CSMD3: variants seen among roughly 807,000 people sequenced by gnomAD.
The protein encoded by CSMD3 is CUB and Sushi multiple domains 3, also known as CUB and sushi domain-containing protein 3.
In CSMD3, 177 loss-of-function variants were observed where a neutral mutation model predicts 435.2. The observed-to-expected ratio is 0.41, with a 90% CI of 0.36 to 0.46. CSMD3 has a LOEUF of 0.46. Among genes scored for constraint, CSMD3 ranks in the 20% least tolerant of loss-of-function variants. The pLI, the probability that CSMD3 is intolerant of heterozygous loss-of-function variation, is 0.34. For synonymous variants in CSMD3, 1,656 were observed against 1,520.5 expected (o/e 1.09, Z -2.07); for missense variants, 4,265 against 4,504.6 (o/e 0.95, Z 1.52).
At position 112,947,947 on chromosome 8, in the gene CSMD3, T is replaced by A. The variant is rs1347325919; in HGVS notation, c.1421-70A>T. On this transcript the variant is annotated intron_variant, in intron 8 of 70. Transcript: ENST00000297405. ...ATTAGAAAATCGATGATATTAATTT[T>A]AAAATATACATAAAATGTATTATTG... 4.9e-5 allele frequency: 35 copies of A among 709,056 alleles called. No homozygotes were observed. In the Admixed American group the frequency reaches 6.5e-4, roughly 13 times the overall value. 43.9% of individuals were successfully genotyped at this position (709,056 alleles called of 1,614,324 possible).
Position 113,298,160 on chromosome 8 carries a change from A to G in CSMD3, c.401+16411T>C, listed in dbSNP as rs116427844. Among the ~76,000 whole-genome samples the G allele has an allele frequency of 9.7e-3, 1,478 of 152,224 alleles. 22 individuals are homozygous for G. Among genetic ancestry groups the G allele is most frequent in the African/African-American group, 0.031 (1,301 of 41,566 alleles). ...TTAATTTTTAAATTGGATGTGGAAGATATGATAGGAATATAGTTAGGTTGG... is the reference window on the plus strand; with the variant it reads ...TTAATTTTTAAATTGGATGTGGAAGGTATGATAGGAATATAGTTAGGTTGG... On this transcript the variant is annotated intron_variant, in intron 2 of 70. Coordinates refer to ENST00000297405, the MANE Select transcript of CSMD3 (RefSeq NM_198123.2).
intron 6 of CSMD3, among the ~76,000 whole-genome samples, chr8:112,992,724 G>T (rs1366115975): frequency 1.3e-5 from 2 of 151,804 alleles, no homozygotes; most frequent in Non-Finnish European, 2.9e-5. Flanking sequence ...CAGCAATGGA[G>T]AAGGGAAGAT....
rs78171666 is a variant in CSMD3, at chr8:113,218,291, T to C, written c.515-44375A>G. On this transcript the variant is annotated intron_variant, in intron 3 of 70. Transcript: ENST00000297405. ...ATGTAACTGAAGGAATTAAGGACAA[T>C]AGAACTGGGAAATATGTGTGAACTA... Among the ~76,000 whole-genome samples the C allele has an allele frequency of 4.7e-3, 712 of 150,858 alleles. 3 individuals carry two copies. Among genetic ancestry groups the C allele is most frequent in the African/African-American group, 0.016 (667 of 41,290 alleles).
At chr8:112,250,530 G>T (rs1354892333) in intron 63 of CSMD3, among the ~76,000 whole-genome samples, 3 of 151,344 alleles carry the variant, frequency 2.0e-5, no homozygotes, top group Non-Finnish European at 4.4e-5. Flanking sequence ...ATTTTAAATA[G>T]TTCTTTATCC....
rs1425149846 is a variant in CSMD3, at chr8:112,244,545, A to G, written c.10251T>C (p.Pro3417=). 5 of 1,613,896 alleles carry G rather than the reference A, an allele frequency of 3.1e-6. No homozygotes were observed. The highest frequency in any genetic ancestry group is 4.2e-6 in the Non-Finnish European group (5 of 1,179,836). Reference sequence around the variant, plus strand: ...CCATCCCTACGACATTTGCATGAGCAGGAGTTTCTGGCTGTTTACAGCTGT... The same window carrying G: ...CCATCCCTACGACATTTGCATGAGCGGGAGTTTCTGGCTGTTTACAGCTGT... ...IPHSCKQPET[P]AHANVVGMDL... is the part of the protein sequence containing the mutation. The change falls in exon 65 of 71, where the codon CCT becomes CCC. Residue 3417 remains proline (P), a synonymous_variant. Transcript: ENST00000297405.
At chr8:112,421,469 G>A (rs922477096) in intron 32 of CSMD3, among the ~76,000 whole-genome samples, 28 of 151,084 alleles carry the variant, frequency 1.9e-4, no homozygotes, top group African/African-American at 5.4e-4. Context: ...ACTGGAACCC[G>A]GGAGCCACAG....
At chr8:112,705,217 A>G (rs1165738591) in intron 13 of CSMD3, among the ~76,000 whole-genome samples, 1 of 152,106 alleles carries the variant, frequency 6.6e-6, no homozygotes, top group African/African-American at 2.4e-5. Context: ...AAAACAAGCC[A>G]TGAAATTTCC....
rs192551653 is a variant in CSMD3, at chr8:113,399,716, A to G, written c.178+36961T>C. On this transcript the variant is annotated intron_variant, in intron 1 of 70. Coordinates refer to ENST00000297405, the MANE Select transcript of CSMD3 (RefSeq NM_198123.2). ...TGATGTGTGTGTTGTGGGGGAGAAT[A>G]CAAAATGTTTTAAAATTAGATTGTG... is the stretch of plus-strand genomic sequence containing the variant. Among the ~76,000 whole-genome samples, 153 of 152,034 alleles carry G rather than the reference A, an allele frequency of 1.0e-3. 1 individual carries two copies. The highest frequency in any genetic ancestry group is 3.5e-3 in the African/African-American group (147 of 41,514).
intron 21 of CSMD3, among the ~76,000 whole-genome samples, chr8:112,637,710 T>C (rs1168709117): frequency 1.3e-5 from 2 of 151,768 alleles, no homozygotes; most frequent in African/African-American, 4.9e-5. Context: ...CCCAGAGCAG[T>C]TACTGTGTAA....
At chr8:112,550,642 C>T (rs780777535) in intron 27 of CSMD3, 29 bp downstream of exon 27, 1 of 1,246,038 alleles carries the variant, frequency 8.0e-7, no homozygotes, top group Non-Finnish European at 1.2e-6. Flanking sequence ...TCCTATTTTG[C>T]ATTGAAGAAA....
At chr8:113,194,473 G>T (rs2131997715) in intron 3 of CSMD3, among the ~76,000 whole-genome samples, 1 of 151,370 alleles carries the variant, frequency 6.6e-6, no homozygotes, top group East Asian at 1.9e-4. Flanking sequence ...TATGATGGTA[G>T]ATATATATTG....
At chr8:112,509,721 G>A in intron 28 of CSMD3, among the ~76,000 whole-genome samples, 1 of 151,918 alleles carries the variant, frequency 6.6e-6, no homozygotes, top group Admixed American at 6.6e-5. Context: ...TATAACTTTG[G>A]TGATCTCCTA....
chr8:112,911,035 T>C (rs1046143737), intron 10 of CSMD3, among the ~76,000 whole-genome samples: 4 of 151,898 alleles, frequency 2.6e-5, no homozygotes, highest in African/African-American at 9.7e-5. Flanking sequence ...TTTTAGTCTT[T>C]CACAGGCTCA....
intron 59 of CSMD3, among the ~76,000 whole-genome samples, chr8:112,280,309 C>T (rs1376081489): frequency 6.6e-6 from 1 of 152,042 alleles, no homozygotes; most frequent in Non-Finnish European, 1.5e-5. Context: ...CTCACTCTGT[C>T]ACCCAAGCTG....
At chr8:112,299,683 G>C (rs540415716) in intron 53 of CSMD3, among the ~76,000 whole-genome samples, 5 of 152,016 alleles carry the variant, frequency 3.3e-5, no homozygotes, top group African/African-American at 1.2e-4. Context: ...TCTCATGGCC[G>C]TTCTAAGCTA....
chr8:112,442,379 G>A (rs1308886470), intron 32 of CSMD3, among the ~76,000 whole-genome samples: 1 of 152,064 alleles, frequency 6.6e-6, no homozygotes, highest in Non-Finnish European at 1.5e-5. Context: ...AAAACTACAA[G>A]GTTTAGGGAC....
chr8:112,800,413 G>T, intron 12 of CSMD3, 139 bp from the exon 13 acceptor site: 3 of 683,052 alleles, frequency 4.4e-6, no homozygotes, highest in Non-Finnish European at 8.0e-6. Flanking sequence ...ATGTGTTGAT[G>T]TGACAGAAGA....
chr8:112,810,725 C>T (rs2079202306), intron 12 of CSMD3, among the ~76,000 whole-genome samples: 1 of 151,886 alleles, frequency 6.6e-6, no homozygotes, highest in African/African-American at 2.4e-5. Flanking sequence ...TGCTAAAAGT[C>T]CTAGATTATC....
intron 17 of CSMD3, among the ~76,000 whole-genome samples, chr8:112,662,449 C>T (rs2075408121): frequency 6.6e-6 from 1 of 151,936 alleles, no homozygotes; most frequent in African/African-American, 2.4e-5. Context: ...ATAAATGGTG[C>T]TGGGAAAACT....
Sources: gnomAD v4.1 joint callset for allele counts (sites outside exome capture counted in the v4.1 genomes callset) on GRCh38, gnomAD v4.1.1 for gene constraint, MANE v1.5 for transcripts, NCBI Gene and HGNC (gene_info 2026-07-23, HGNC 2026-07-21) for gene names.